EXOC6B: variants seen among roughly 807,000 people sequenced by gnomAD.
EXOC6B encodes SEC15 homolog B.
In EXOC6B, 54 loss-of-function variants were observed where a neutral mutation model predicts 113.5. The observed-to-expected ratio is 0.48, with a 90% confidence interval of 0.38 to 0.60. EXOC6B has a LOEUF of 0.60. Among genes scored for constraint, EXOC6B ranks in the 20% least tolerant of loss-of-function variants. EXOC6B has a pLI of 0.00. For missense variants in EXOC6B, 797 were observed against 977.5 expected, an observed-to-expected ratio of 0.82 and a Z score of 2.46; for synonymous variants, 357 against 339.0, an observed-to-expected ratio of 1.05 and a Z score of -0.58.
At chr2:72,525,490 G>GAACAAC (rs1033281016) in intron 8 of EXOC6B, among the ~76,000 whole-genome samples, 1 of 151,954 alleles carries the variant, frequency 6.6e-6, no homozygotes, top group Non-Finnish European at 1.5e-5. Flanking sequence ...TACCTGGCTA[G>GAACAAC]AACAACAACA....
At chr2:72,233,442 C>T (rs940592724) in intron 20 of EXOC6B, among the ~76,000 whole-genome samples, 1 of 152,106 alleles carries the variant, frequency 6.6e-6, no homozygotes, top group African/African-American at 2.4e-5. Flanking sequence ...ACCTCTCCAA[C>T]ATGGGAAAGG....
At chr2:72,334,410 CA>C (rs1309640135) in intron 20 of EXOC6B, among the ~76,000 whole-genome samples, 8 of 152,062 alleles carry the variant, frequency 5.3e-5, no homozygotes, top group Non-Finnish European at 8.8e-5. Context: ...TAATCATCTT[CA>C]AAAACGACCA....
At chr2:72,389,039 T>C (rs1280560031) in intron 18 of EXOC6B, among the ~76,000 whole-genome samples, 1 of 152,102 alleles carries the variant, frequency 6.6e-6, no homozygotes, top group African/African-American at 2.4e-5. Context: ...AGGGTTTACA[T>C]CATTAATTAT....
Position 72,343,286 on chromosome 2 carries a change from G to A in EXOC6B, c.2123-8266C>T, listed in dbSNP as rs187919552. On this transcript the variant is annotated intron_variant, in intron 19 of 21. Transcript: ENST00000272427. ...ACTAAAAATACAAAAAGTTAGCCGG[G>A]TGTGGTGACACACACCTCTAGTTCC... Among the ~76,000 whole-genome samples the A allele has an allele frequency of 1.3e-4, 20 of 152,246 alleles. No individual in the cohort carries two copies. In the East Asian group the frequency reaches 2.9e-3, roughly 22 times the overall value.
rs1163864913 is a variant in EXOC6B, at chr2:72,484,566, CA to C, written c.1666-3817del. 8.4e-3 allele frequency among the ~76,000 whole-genome samples: 442 copies of C among 52,638 alleles called. 1 individual carries two copies. Among genetic ancestry groups the C allele is most frequent in the Middle Eastern group, 0.052 (3 of 58 alleles). 34.5% of individuals were successfully genotyped at this position (52,638 alleles called of 152,430 possible). A position where few individuals can be genotyped will look rare whatever the true frequency, so the allele number is the denominator to read the frequency against. On this transcript the variant is annotated intron_variant, in intron 16 of 21. Coordinates refer to ENST00000272427, the MANE Select transcript of EXOC6B (RefSeq NM_015189.3). ...TGGGCGACAGAGCGAGACTCCGTCA[CA>C]AAAAAAAAAAAAAAAAAAAAATTCC...
At chr2:72,611,777 TA>T (rs1416403718) in intron 6 of EXOC6B, among the ~76,000 whole-genome samples, 1 of 152,176 alleles carries the variant, frequency 6.6e-6, no homozygotes, top group Non-Finnish European at 1.5e-5. Context: ...AAGGTACAAC[TA>T]CATCATGGGA....
chr2:72,803,318 A>AG (rs1460038248), intron 1 of EXOC6B, among the ~76,000 whole-genome samples: 5 of 152,246 alleles, frequency 3.3e-5, no homozygotes, highest in African/African-American at 4.8e-5. Context: ...AAAAAAAAAA[A>AG]CAAATGAACT....
intron 6 of EXOC6B, among the ~76,000 whole-genome samples, chr2:72,658,439 T>C (rs1674769656): frequency 6.6e-6 from 1 of 152,064 alleles, no homozygotes; most frequent in African/African-American, 2.4e-5. Context: ...GTAATTGTTC[T>C]TAGTGTCATG....
At chr2:72,583,290 A>T (rs1286569127) in intron 6 of EXOC6B, among the ~76,000 whole-genome samples, 2 of 152,220 alleles carry the variant, frequency 1.3e-5, no homozygotes, top group Non-Finnish European at 2.9e-5. Context: ...ATTTCAGGGA[A>T]TAATTATAGG....
At chr2:72,255,351 GA>G (rs1683289926) in intron 20 of EXOC6B, among the ~76,000 whole-genome samples, 1 of 152,192 alleles carries the variant, frequency 6.6e-6, no homozygotes, top group Non-Finnish European at 1.5e-5. Flanking sequence ...AAAATGGGCT[GA>G]TAAAGCTACT....
At chr2:72,535,913 T>A (rs1004950664) in intron 8 of EXOC6B, among the ~76,000 whole-genome samples, 32 of 151,906 alleles carry the variant, frequency 2.1e-4, no homozygotes, top group South Asian at 1.3e-3. Flanking sequence ...TCCACCAGTG[T>A]TTTATGGAAA....
intron 16 of EXOC6B, among the ~76,000 whole-genome samples, chr2:72,487,220 C>T (rs192416019): frequency 6.6e-6 from 1 of 152,290 alleles, no homozygotes; most frequent in East Asian, 1.9e-4. Context: ...TTTTCCTTAA[C>T]GTTCTTTATC....
chr2:72,408,235 A>T (rs1693919237), intron 18 of EXOC6B, among the ~76,000 whole-genome samples: 1 of 152,226 alleles, frequency 6.6e-6, no homozygotes, highest in African/African-American at 2.4e-5. Context: ...CAAATGGAAG[A>T]ACATTCCATG....
Position 72,629,869 on chromosome 2 carries a change from C to A in EXOC6B, c.670-54201G>T, listed in dbSNP as rs532885142. On this transcript the variant is annotated intron_variant, in intron 6 of 21. Transcript: ENST00000272427. Reference sequence around the variant, plus strand: ...ACCCACAACATGCCATCCCCAGAGCCCTGACCTTCATCAAACTCCTTTCTC... The same window carrying A: ...ACCCACAACATGCCATCCCCAGAGCACTGACCTTCATCAAACTCCTTTCTC... Among the ~76,000 whole-genome samples, 23 of 152,276 alleles carry A rather than the reference C, an allele frequency of 1.5e-4. No homozygotes were observed. In the South Asian group the frequency reaches 4.1e-3, roughly 27 times the overall value.
At chr2:72,346,195 A>T (rs537754177) in intron 19 of EXOC6B, among the ~76,000 whole-genome samples, 1 of 152,268 alleles carries the variant, frequency 6.6e-6, no homozygotes, top group East Asian at 1.9e-4. Context: ...ATCTTCTTAC[A>T]ATTGAGAACT....
chr2:72,614,858 T>C (rs531230803), intron 6 of EXOC6B, among the ~76,000 whole-genome samples: 1 of 151,930 alleles, frequency 6.6e-6, no homozygotes, highest in East Asian at 1.9e-4. Flanking sequence ...GAAAGAGGGG[T>C]TCACTTTGGA....
At chr2:72,578,348 A>T (rs547464157) in intron 6 of EXOC6B, among the ~76,000 whole-genome samples, 153 of 152,242 alleles carry the variant, frequency 1.0e-3, no homozygotes, top group African/African-American at 3.6e-3. Context: ...TAGAAGCTAA[A>T]CCTAATTTTC....
intron 8 of EXOC6B, among the ~76,000 whole-genome samples, chr2:72,526,160 T>A (rs898950394): frequency 6.6e-6 from 1 of 152,054 alleles, no homozygotes; most frequent in Non-Finnish European, 1.5e-5. Context: ...CCAAAAGGAA[T>A]AGAGGCTCTG....
At chr2:72,401,389 G>C (rs1200467480) in intron 18 of EXOC6B, among the ~76,000 whole-genome samples, 1 of 146,570 alleles carries the variant, frequency 6.8e-6, no homozygotes, top group African/African-American at 2.5e-5. Flanking sequence ...TTGAACCCAG[G>C]AGGCGGAGGT....
Sources: gnomAD v4.1 joint callset for allele counts (sites outside exome capture counted in the v4.1 genomes callset) on GRCh38, gnomAD v4.1.1 for gene constraint, MANE v1.5 for transcripts, NCBI Gene and HGNC (gene_info 2026-07-23, HGNC 2026-07-21) for gene names.